HERC2: variants seen among roughly 807,000 people sequenced by gnomAD.
HERC2 encodes HECT and RLD domain containing E3 ubiquitin protein ligase 2.
In HERC2, 102 loss-of-function variants were observed where a neutral mutation model predicts 537.7. The observed-to-expected ratio is 0.19, with a 90% CI of 0.16 to 0.22. The LOEUF (loss-of-function observed/expected upper bound fraction) is 0.22, where lower values mean the gene tolerates loss of function less well. Ranked by LOEUF, HERC2 falls within the 10% of genes least tolerant of loss-of-function variation. HERC2 has a pLI of 1.00. For missense variants in HERC2, 4,236 were observed against 6,198.2 expected (o/e 0.68, Z 10.63); for synonymous variants, 2,224 against 2,466.2 (o/e 0.90, Z 2.91).
Position 28,174,372 on chromosome 15 carries a change from G to A in HERC2, c.10057+23C>T. On this transcript the variant is annotated intron_variant, in intron 65 of 92. Transcript: ENST00000261609. ...GCTGTAAACCTACAGAAAAATCTCA[G>A]AGAAGATACAAATCTGTGTTACCTA... 3 of 1,546,762 alleles carry A rather than the reference G, an allele frequency of 1.9e-6. No individual in the cohort carries two copies. In the South Asian group the frequency reaches 3.5e-5, roughly 18 times the overall value.
chr15:28,245,606 G>T (rs533586793), intron 23 of HERC2, among the ~76,000 whole-genome samples: 34 of 129,056 alleles, frequency 2.6e-4, no homozygotes, highest in Middle Eastern at 7.9e-3. Flanking sequence ...CACACACACA[G>T]ATATATATAT....
At chr15:28,300,456 C>T (rs1427457245) in intron 2 of HERC2, among the ~76,000 whole-genome samples, 8 of 150,662 alleles carry the variant, frequency 5.3e-5, no homozygotes, top group African/African-American at 2.0e-4. Flanking sequence ...TTTAGAACTA[C>T]TTCATGTTGC....
intron 69 of HERC2, among the ~76,000 whole-genome samples, chr15:28,160,051 A>ATTGCTGAACAGCAAATG (rs1893419903): frequency 6.6e-6 from 1 of 151,262 alleles, no homozygotes; most frequent in Non-Finnish European, 1.5e-5. Flanking sequence ...AACAGCGAAT[A>ATTGCTGAACAGCAAATG]TTGCTGAACA....
chr15:28,260,839 G>T lies in HERC2; in HGVS notation c.2254C>A (p.Pro752Thr). The T allele has an allele frequency of 6.2e-7, 1 of 1,614,248 alleles. No individual in the cohort carries two copies. The highest frequency in any genetic ancestry group is 1.1e-5 in the South Asian group (1 of 91,082). The change falls in exon 16 of 93, where the codon CCT becomes ACT. Residue 752 changes from proline (P) to threonine (T), a missense_variant. Transcript: ENST00000261609. ...FDTLRVTKPE[P>T]AALPGLDTKH... ...GTGTCCAGTCCTGGCAATGCTGCAG[G>T]TTCTGGCTTGGTCACGCGCAAGGTG...
chr15:28,125,332 G>A, intron 83 of HERC2, 139 bp from the exon 84 acceptor site: 1 of 698,718 alleles, frequency 1.4e-6, no homozygotes, highest in Non-Finnish European at 2.6e-6. Flanking sequence ...CTTTACATAT[G>A]ACCTAGACAT....
At chr15:28,298,157 G>GTT (rs1293998144) in intron 3 of HERC2, among the ~76,000 whole-genome samples, 4 of 141,662 alleles carry the variant, frequency 2.8e-5, no homozygotes, top group South Asian at 2.2e-4. Flanking sequence ...TGTGTTTTTT[G>GTT]TTTTTTTTTT....
chr15:28,292,648 T>C (rs1416882119), intron 4 of HERC2, among the ~76,000 whole-genome samples: 2 of 152,180 alleles, frequency 1.3e-5, no homozygotes, highest in Admixed American at 6.5e-5. Flanking sequence ...AGATTCTGTC[T>C]CTAATTAGTC....
In HERC2 at chr15:28,268,092, T is replaced by C. The variant is rs75343239; in HGVS notation, c.1598+373A>G. ...CTGACTTTTGTTCCTGTAAAAATAA[T>C]ATATGGTTCAAGAAAAGGGTGACAA... On this transcript the variant is annotated intron_variant, in intron 12 of 92. Transcript: ENST00000261609. The surrounding 1 kb of genome is among the most constrained non-coding windows in gnomAD (Gnocchi z 4.7). Among the ~76,000 whole-genome samples the C allele has an allele frequency of 2.1e-3, 320 of 152,276 alleles. No homozygotes were observed. The highest frequency in any genetic ancestry group is 7.6e-3 in the African/African-American group (316 of 41,554).
At position 28,143,906 on chromosome 15, in the gene HERC2, C is replaced by A; in HGVS notation, c.11385G>T (p.Leu3795=). The A allele has an allele frequency of 6.2e-7, 1 of 1,614,132 alleles. No homozygotes were observed. Among genetic ancestry groups the A allele is most frequent in the South Asian group, 1.1e-5 (1 of 91,088 alleles). Residue 3795 remains leucine (L), a synonymous_variant, in exon 74 of 93, where the codon CTG becomes CTT. Coordinates refer to ENST00000261609, the MANE Select transcript of HERC2 (RefSeq NM_004667.6). ...EFGQSININR[L]LGENDGETRA... ...TTGTTTCCCCATCATTTTCTCCAAG[C>A]AGCCTATTTATGTTAATTGACTGCC... is the stretch of plus-strand genomic sequence containing the variant.
chr15:28,226,524 A>C (rs1901187713), intron 35 of HERC2, among the ~76,000 whole-genome samples: 1 of 152,198 alleles, frequency 6.6e-6, no homozygotes, highest in African/African-American at 2.4e-5. Context: ...AGTCCTCAAC[A>C]AGTGGTATTG....
Position 28,176,680 on chromosome 15 carries a change from C to T in HERC2, c.9514+7G>A, listed in dbSNP as rs995132018. 1 of 1,613,946 alleles carries T rather than the reference C, an allele frequency of 6.2e-7. No homozygotes were observed. The highest frequency in any genetic ancestry group is 8.5e-7 in the Non-Finnish European group (1 of 1,179,964). ...CCCAGAAGCACAGAATCCTGCCAGC[C>T]ACTCACCTTCATCGGTCAGAGCCAG... On this transcript the variant is annotated splice_region_variant and intron_variant, in intron 62 of 92. Coordinates refer to ENST00000261609, the MANE Select transcript of HERC2 (RefSeq NM_004667.6). The surrounding 1 kb of genome is among the most constrained non-coding windows in gnomAD (Gnocchi z 5.0).
At chr15:28,204,289 C>T (rs1294497211) in intron 45 of HERC2, among the ~76,000 whole-genome samples, 1 of 152,170 alleles carries the variant, frequency 6.6e-6, no homozygotes, top group Admixed American at 6.5e-5. Context: ...ACAAGAAATT[C>T]AACATAACTA....
At chr15:28,126,032 G>A (rs1437519356) in intron 83 of HERC2, among the ~76,000 whole-genome samples, 3 of 152,068 alleles carry the variant, frequency 2.0e-5, no homozygotes, top group African/African-American at 4.8e-5. Flanking sequence ...GGCTGGTCTC[G>A]AACTCCTGAC....
At chr15:28,145,857 C>A (rs1254398614) in intron 71 of HERC2, among the ~76,000 whole-genome samples, 1 of 152,192 alleles carries the variant, frequency 6.6e-6, no homozygotes. Context: ...CACCTACATA[C>A]AGAAGTCACT....
intron 70 of HERC2, among the ~76,000 whole-genome samples, chr15:28,150,015 T>C (rs1315016798): frequency 6.7e-6 from 1 of 149,832 alleles, no homozygotes; most frequent in Non-Finnish European, 1.5e-5. Flanking sequence ...CACATTCTAG[T>C]AAAATTACCA....
At position 28,115,413 on chromosome 15, in the gene HERC2, CG is replaced by C; in HGVS notation, c.13722+15del. On this transcript the variant is annotated intron_variant, in intron 89 of 92. Coordinates refer to ENST00000261609, the MANE Select transcript of HERC2 (RefSeq NM_004667.6). The stretch of plus-strand genomic sequence containing the variant: ...ACAAGACCCTAGAGGCCCCGCCTGC[CG>C]CCCCAGGGAGTTACCTCACTGAGGT... The C allele has an allele frequency of 1.3e-6, 2 of 1,591,080 alleles. No homozygotes were observed. Among genetic ancestry groups the C allele is most frequent in the Non-Finnish European group, 1.7e-6 (2 of 1,160,612 alleles).
intron 57 of HERC2, 37 bp from the exon 58 acceptor site, chr15:28,179,260 G>T (rs768586351): frequency 3.4e-6 from 5 of 1,463,410 alleles, no homozygotes; most frequent in East Asian, 2.3e-5. Flanking sequence ...AAAAAGAAAA[G>T]AAAATTTTAC....
intron 85 of HERC2, 81 bp downstream of exon 85, chr15:28,123,956 A>T: frequency 8.5e-7 from 1 of 1,173,384 alleles, no homozygotes; most frequent in Non-Finnish European, 1.2e-6. Context: ...TATGTGTTCT[A>T]TTCCCAGTAT....
chr15:28,298,005 TTG>T (rs373425948), intron 3 of HERC2, among the ~76,000 whole-genome samples: 4,873 of 128,248 alleles, frequency 0.038, 97 homozygotes, highest in African/African-American at 0.11. Flanking sequence ...CTGTCAGTTA[TTG>T]TGTGTGTGTG....
Sources: gnomAD v4.1 joint callset for allele counts (sites outside exome capture counted in the v4.1 genomes callset) on GRCh38, gnomAD v4.1.1 for gene constraint, Gnocchi (gnomAD v3.1) non-coding constraint, MANE v1.5 for transcripts, NCBI Gene and HGNC (gene_info 2026-07-23, HGNC 2026-07-21) for gene names.